Variants in ST6GALNAC3 observed in about 807,000 individuals in gnomAD.
ST6GALNAC3 encodes alpha-N-acetylgalactosaminide alpha-2,6-sialyltransferase 3.
A neutral mutation model predicts 32.7 loss-of-function variants in ST6GALNAC3; 25 were observed. That is an observed-to-expected ratio of 0.76 (90% confidence interval 0.56 to 1.07). The LOEUF (loss-of-function observed/expected upper bound fraction) is 1.07. Ranked by LOEUF, ST6GALNAC3 falls within the 50% of genes least tolerant of loss-of-function variation. The pLI is 0.00. For missense variants in ST6GALNAC3, 355 were observed against 382.4 expected (o/e 0.93, Z 0.60); for synonymous variants, 129 against 133.1 (o/e 0.97, Z 0.21).
At chr1:76,085,380 T>C (rs1646950949) in intron 1 of ST6GALNAC3, among the ~76,000 whole-genome samples, 1 of 152,196 alleles carries the variant, frequency 6.6e-6, no homozygotes, top group Admixed American at 6.5e-5. Context: ...AAGAGCAGTG[T>C]GGTTCTTTCA....
At chr1:76,161,956 TA>T (rs1651838299) in intron 1 of ST6GALNAC3, among the ~76,000 whole-genome samples, 2 of 152,304 alleles carry the variant, frequency 1.3e-5, no homozygotes, top group African/African-American at 4.8e-5. Flanking sequence ...GGGTTGGTCA[TA>T]AAAAGTTGGA....
At chr1:76,150,510 G>A (rs1178887662) in intron 1 of ST6GALNAC3, among the ~76,000 whole-genome samples, 1 of 152,070 alleles carries the variant, frequency 6.6e-6, no homozygotes, top group African/African-American at 2.4e-5. Context: ...CTTCTGCCTT[G>A]GAATTTCTTT....
At chr1:76,517,886 A>G (rs1417144026) in intron 3 of ST6GALNAC3, among the ~76,000 whole-genome samples, 2 of 151,890 alleles carry the variant, frequency 1.3e-5, no homozygotes, top group Non-Finnish European at 2.9e-5. Context: ...CATTTTTACT[A>G]TTTATTTATT....
intron 1 of ST6GALNAC3, among the ~76,000 whole-genome samples, chr1:76,139,490 CTT>C (rs1367654611): frequency 3.9e-5 from 6 of 152,248 alleles, no homozygotes; most frequent in Middle Eastern, 6.8e-3. Context: ...CTTTTTCTCT[CTT>C]TGTGGATTTG....
chr1:76,328,370 G>A lies in ST6GALNAC3; in HGVS notation c.213+14371G>A, dbSNP rs533956502. 2.0e-5 allele frequency among the ~76,000 whole-genome samples: 3 copies of A among 152,232 alleles called. No homozygotes were observed. The South Asian group carries it at 6.2e-4, about 32-fold the overall frequency. On this transcript the variant is annotated intron_variant, in intron 2 of 4. Coordinates refer to ENST00000328299, the MANE Select transcript of ST6GALNAC3 (RefSeq NM_152996.4). ...GAGCTACCGTTAAACTGATTATCTC[G>A]CTGCAGTCCACATCTGGACCAAGTA...
At chr1:76,373,378 A>G (rs775840090) in intron 2 of ST6GALNAC3, among the ~76,000 whole-genome samples, 4 of 152,226 alleles carry the variant, frequency 2.6e-5, no homozygotes, top group African/African-American at 4.8e-5. Context: ...TATGTAAGGC[A>G]CATGCACATA....
chr1:76,333,623 A>G (rs970703638), intron 2 of ST6GALNAC3, among the ~76,000 whole-genome samples: 5 of 152,212 alleles, frequency 3.3e-5, no homozygotes, highest in African/African-American at 1.2e-4. Flanking sequence ...TGAAAAAATT[A>G]TCTTTTGCCT....
At chr1:76,531,225 T>G (rs1326831552) in intron 3 of ST6GALNAC3, among the ~76,000 whole-genome samples, 4 of 152,206 alleles carry the variant, frequency 2.6e-5, no homozygotes, top group African/African-American at 9.6e-5. Flanking sequence ...CTCAGAAAAT[T>G]GATTATGGAG....
intron 3 of ST6GALNAC3, among the ~76,000 whole-genome samples, chr1:76,432,428 A>G (rs1374911448): frequency 6.9e-6 from 1 of 145,216 alleles, no homozygotes; most frequent in African/African-American, 2.6e-5. Flanking sequence ...TATGTAGCTA[A>G]GTTGCCTTTA....
chr1:76,197,098 T>C (rs1411163355), intron 1 of ST6GALNAC3, among the ~76,000 whole-genome samples: 2 of 152,250 alleles, frequency 1.3e-5, no homozygotes, highest in African/African-American at 4.8e-5. Context: ...TTTACTCACC[T>C]GAACAATTTT....
intron 1 of ST6GALNAC3, among the ~76,000 whole-genome samples, chr1:76,153,011 C>T (rs114317877): frequency 0.013 from 1,996 of 152,200 alleles, 48 homozygotes; most frequent in African/African-American, 0.046. Flanking sequence ...AGGGAATTAC[C>T]GGACCTTAAG....
At chr1:76,162,692 T>A (rs965108547) in intron 1 of ST6GALNAC3, among the ~76,000 whole-genome samples, 2 of 152,188 alleles carry the variant, frequency 1.3e-5, no homozygotes, top group African/African-American at 4.8e-5. Context: ...CTGGGTCTAA[T>A]GGATGTATAA....
chr1:76,296,996 G>A (rs1303863812), intron 1 of ST6GALNAC3, among the ~76,000 whole-genome samples: 1 of 151,930 alleles, frequency 6.6e-6, no homozygotes, highest in Non-Finnish European at 1.5e-5. Flanking sequence ...AATGGTCATT[G>A]AAGAAAATCA....
At chr1:76,416,634 T>G (rs1356225074) in intron 3 of ST6GALNAC3, among the ~76,000 whole-genome samples, 1 of 146,144 alleles carries the variant, frequency 6.8e-6, no homozygotes, top group African/African-American at 2.5e-5. Context: ...TTTGTTTTTT[T>G]TTTTTTTTTT....
At chr1:76,074,921 G>A in intron 1 of ST6GALNAC3, 37 bp downstream of exon 1, 1 of 1,577,960 alleles carries the variant, frequency 6.3e-7, no homozygotes, top group Non-Finnish European at 8.6e-7. Context: ...CGCGTGGTTG[G>A]CCAGCCCCTT....
chr1:76,514,205 T>TG (rs1662037059), intron 3 of ST6GALNAC3, among the ~76,000 whole-genome samples: 1 of 152,214 alleles, frequency 6.6e-6, no homozygotes, highest in Non-Finnish European at 1.5e-5. Flanking sequence ...GTTGTGGGTT[T>TG]GTCATATGTG....
chr1:76,528,866 A>G lies in ST6GALNAC3; in HGVS notation c.624-98586A>G, dbSNP rs190012415. Reference sequence around the variant, plus strand: ...CAAGGCAACATTAAGGAAGCTATTAATATATTGAACATGACTGAAGCCATA... The same window carrying G: ...CAAGGCAACATTAAGGAAGCTATTAGTATATTGAACATGACTGAAGCCATA... On this transcript the variant is annotated intron_variant, in intron 3 of 4. Coordinates refer to ENST00000328299, the MANE Select transcript of ST6GALNAC3 (RefSeq NM_152996.4). 6.0e-5 allele frequency among the ~76,000 whole-genome samples: 9 copies of G among 150,880 alleles called. No individual in the cohort carries two copies. The East Asian group carries it at 1.7e-3, about 29-fold the overall frequency.
At position 76,630,213 on chromosome 1, in the gene ST6GALNAC3, G is replaced by T; in HGVS notation, c.*1407G>T. The T allele has an allele frequency of 4.1e-6, 4 of 985,156 alleles. No individual in the cohort carries two copies. Among genetic ancestry groups the T allele is most frequent in the Non-Finnish European group, 4.8e-6 (4 of 829,800 alleles). 61.0% of individuals were successfully genotyped at this position (985,156 alleles called of 1,614,324 possible). On this transcript the variant is annotated 3_prime_UTR_variant, in exon 5 of 5. Transcript: ENST00000328299. ...GTAAACTAGTAACCAGTTGATCTCT[G>T]TGCCAAATACATTATATCAGGATTA...
At chr1:76,501,147 C>T (rs140449825) in intron 3 of ST6GALNAC3, among the ~76,000 whole-genome samples, 13 of 152,200 alleles carry the variant, frequency 8.5e-5, no homozygotes, top group African/African-American at 3.1e-4. Flanking sequence ...TTACTTCCTC[C>T]CCTCTCCCTC....
Sources: allele counts gnomAD v4.1 joint callset (sites outside exome capture counted in the v4.1 genomes callset), GRCh38; gene constraint gnomAD v4.1.1; transcripts MANE v1.5; gene names NCBI Gene and HGNC (gene_info 2026-07-23, HGNC 2026-07-21).